Variants in NCOA3 observed in about 807,000 individuals in gnomAD.
NCOA3 encodes the protein CBP-interacting protein.
Under a neutral mutation model 158.8 loss-of-function variants are expected in NCOA3, and 51 were observed. The ratio of observed to expected loss-of-function variants is 0.32; its 90% CI spans 0.26 to 0.41. The LOEUF (loss-of-function observed/expected upper bound fraction) is 0.41. NCOA3 is among the 10% of genes least tolerant of loss of function. The probability of loss-of-function intolerance (pLI) is 1.00; values close to 1 mark genes in which losing one functional copy is unlikely to be tolerated. For synonymous variants in NCOA3, 537 were observed against 592.4 expected, an observed-to-expected ratio of 0.91 and a Z score of 1.36; for missense variants, 1,510 against 1,746.6, an observed-to-expected ratio of 0.86 and a Z score of 2.41.
chr20:47,581,620 G>A (rs1269965897), intron 1 of NCOA3, among the ~76,000 whole-genome samples: 1 of 152,152 alleles, frequency 6.6e-6, no homozygotes, highest in African/African-American at 2.4e-5. Flanking sequence ...TAACTTTAGG[G>A]CGTAATTATG....
At chr20:47,586,839 G>A (rs564863766) in intron 2 of NCOA3, among the ~76,000 whole-genome samples, 1 of 152,294 alleles carries the variant, frequency 6.6e-6, no homozygotes, top group African/African-American at 2.4e-5. Flanking sequence ...CAGGAATACT[G>A]CATCCGCAAT....
At chr20:47,627,488 C>A in intron 6 of NCOA3, 73 bp from the exon 7 acceptor site, 1 of 1,205,220 alleles carries the variant, frequency 8.3e-7, no homozygotes. Flanking sequence ...GAAAATGCAG[C>A]TTGAATTCTT....
At chr20:47,621,065 A>G (rs992080133) in intron 2 of NCOA3, among the ~76,000 whole-genome samples, 2 of 152,164 alleles carry the variant, frequency 1.3e-5, no homozygotes, top group Non-Finnish European at 2.9e-5. Flanking sequence ...TAAACTTGTC[A>G]TGGGGAAAAA....
intron 2 of NCOA3, among the ~76,000 whole-genome samples, chr20:47,593,278 T>C (rs1295565165): frequency 1.3e-5 from 2 of 150,820 alleles, no homozygotes; most frequent in Non-Finnish European, 3.0e-5. Context: ...CAGACTGCGG[T>C]ATCATTCATT....
chr20:47,551,144 A>G (rs959647557), intron 1 of NCOA3, among the ~76,000 whole-genome samples: 1 of 152,178 alleles, frequency 6.6e-6, no homozygotes, highest in Non-Finnish European at 1.5e-5. Flanking sequence ...GAGATGATCT[A>G]GGTTCTTTTC....
chr20:47,531,183 A>G (rs1218179730), intron 1 of NCOA3, among the ~76,000 whole-genome samples: 2 of 152,160 alleles, frequency 1.3e-5, no homozygotes, highest in Non-Finnish European at 2.9e-5. Context: ...TACTAAAAAT[A>G]CAAAAATTAA....
At chr20:47,546,136 A>G (rs981139528) in intron 1 of NCOA3, among the ~76,000 whole-genome samples, 1 of 152,092 alleles carries the variant, frequency 6.6e-6, no homozygotes, top group Non-Finnish European at 1.5e-5. Context: ...TCCCAAACCA[A>G]TCTCATCATT....
chr20:47,595,943 G>A (rs982491132), intron 2 of NCOA3, among the ~76,000 whole-genome samples: 1 of 152,126 alleles, frequency 6.6e-6, no homozygotes, highest in African/African-American at 2.4e-5. Context: ...TCACTCAGAT[G>A]TTAGAGCAAG....
At chr20:47,535,961 T>G (rs1303300891) in intron 1 of NCOA3, among the ~76,000 whole-genome samples, 1 of 151,968 alleles carries the variant, frequency 6.6e-6, no homozygotes. Context: ...TGCATCAACT[T>G]AAATGTAGAT....
In NCOA3 at chr20:47,542,022, T is replaced by TGTTG. The variant is rs1343864135; in HGVS notation, c.-99+40003_-99+40004insGTTG. 2.5e-3 allele frequency among the ~76,000 whole-genome samples: 297 copies of TGTTG among 118,212 alleles called. 4 individuals carry two copies. The highest frequency in any genetic ancestry group is 9.1e-3 in the African/African-American group (289 of 31,836). The allele number at this position is 118,212 out of a possible 152,430, so 77.6% of individuals were successfully genotyped here. A position where few individuals can be genotyped will look rare whatever the true frequency, so the allele number is the denominator to read the frequency against. On this transcript the variant is annotated intron_variant, in intron 1 of 22. Transcript: ENST00000371998. ...TTGCCCTGTAGAGTTTTTTTTTTTT[T>TGTTG]TTTTTTTTGTTGTTGTTGTTGTTGG...
intron 1 of NCOA3, among the ~76,000 whole-genome samples, chr20:47,522,286 T>A (rs1263361809): frequency 1.3e-5 from 2 of 151,808 alleles, no homozygotes; most frequent in Non-Finnish European, 2.9e-5. Flanking sequence ...GTATTTTTAG[T>A]AGAGACGGGG....
intron 3 of NCOA3, chr20:47,622,907 A>G (rs1325676002): frequency 2.6e-5 from 4 of 152,218 alleles, no homozygotes; most frequent in African/African-American, 7.2e-5. Flanking sequence ...AAACATCACA[A>G]TGGTGGAATG....
intron 1 of NCOA3, among the ~76,000 whole-genome samples, chr20:47,549,609 G>A (rs1348440629): frequency 6.6e-6 from 1 of 151,440 alleles, no homozygotes; most frequent in East Asian, 1.9e-4. Context: ...TAAATTGGTG[G>A]TGGTTGGATC....
intron 1 of NCOA3, among the ~76,000 whole-genome samples, chr20:47,511,560 T>TACACATATA (rs1569310982): frequency 3.6e-4 from 2 of 5,518 alleles, no homozygotes; most frequent in Admixed American, 4.3e-3. Flanking sequence ...TATATATTTC[T>TACACATATA]TTTTTTTTTT....
intron 1 of NCOA3, among the ~76,000 whole-genome samples, chr20:47,541,670 T>G: frequency 6.6e-6 from 1 of 150,886 alleles, no homozygotes; most frequent in East Asian, 2.0e-4. Flanking sequence ...CCTCCCAAAG[T>G]ACTGGGATTC....
chr20:47,612,329 A>G (rs774517610), intron 2 of NCOA3, among the ~76,000 whole-genome samples: 8 of 152,242 alleles, frequency 5.3e-5, no homozygotes, highest in Admixed American at 1.3e-4. Flanking sequence ...CTTACAAGGT[A>G]GGAAGCAGAG....
Position 47,534,266 on chromosome 20 carries a change from TAA to T in NCOA3, c.-99+32263_-99+32264del, listed in dbSNP as rs11476485. Among the ~76,000 whole-genome samples, 1,377 of 140,718 alleles carry T rather than the reference TAA, an allele frequency of 9.8e-3. 29 individuals carry two copies. The highest frequency in any genetic ancestry group is 0.031 in the African/African-American group (1,183 of 38,396). 92.3% of individuals were successfully genotyped at this position (140,718 alleles called of 152,430 possible). The stretch of plus-strand genomic sequence containing the variant: ...CTGTCCATTTGAACTTGGGATTCTT[TAA>T]AAAAAAAAAAAAAAAGATTTATTTG... On this transcript the variant is annotated intron_variant, in intron 1 of 22. Transcript: ENST00000371998.
At chr20:47,586,471 A>G (rs534520228) in intron 2 of NCOA3, among the ~76,000 whole-genome samples, 15 of 152,126 alleles carry the variant, frequency 9.9e-5, no homozygotes, top group African/African-American at 3.6e-4. Flanking sequence ...ATTCCTACAG[A>G]TAGGGTCATT....
chr20:47,650,198 A>G (rs373900024), intron 19 of NCOA3, among the ~76,000 whole-genome samples: 2 of 150,630 alleles, frequency 1.3e-5, no homozygotes, highest in East Asian at 3.9e-4. Context: ...TTTTAACCCC[A>G]AATAATTTTC....
Sources: allele counts gnomAD v4.1 joint callset (sites outside exome capture counted in the v4.1 genomes callset), GRCh38; gene constraint gnomAD v4.1.1; transcripts MANE v1.5; gene names NCBI Gene and HGNC (gene_info 2026-07-23, HGNC 2026-07-21).